The following TTN variants were observed in gnomAD, a reference collection of about 807,000 sequenced individuals.
TTN encodes the protein titin, also known as connectin.
Under a neutral mutation model 3,223.0 loss-of-function variants are expected in TTN, and 1,525 were observed. The observed-to-expected ratio is 0.47, with a 90% CI of 0.45 to 0.49. The LOEUF (loss-of-function observed/expected upper bound fraction) is 0.49. Among genes scored for constraint, TTN ranks in the 20% least tolerant of loss-of-function variants. TTN has a pLI of 0.00. For missense variants in TTN, 40,786 were observed against 43,424.0 expected (o/e 0.94, Z 5.40); for synonymous variants, 14,094 against 15,161.0 (o/e 0.93, Z 5.17).
At position 178,624,573 on chromosome 2, in the gene TTN, C is replaced by A; in HGVS notation, c.44707G>T (p.Asp14903Tyr). The A allele has an allele frequency of 6.2e-7, 1 of 1,612,764 alleles. No individual in the cohort carries two copies. The highest frequency in any genetic ancestry group is 1.1e-5 in the South Asian group (1 of 91,062). The stretch of plus-strand genomic sequence containing the variant: ...ATAACAAGTTTTCTGACCCTGCCAT[C>A]AGCAACAATTTCATACTTCTTGCTT... ...LKSKKYEIVA[D>Y]GRVRKLVIHD... is the part of the protein sequence containing the mutation. The change falls in exon 242 of 363, where the codon GAT (aspartate) becomes TAT (tyrosine). Residue 14903 changes from aspartate to tyrosine, a missense_variant. Coordinates refer to ENST00000589042, the MANE Select transcript of TTN (RefSeq NM_001267550.2).
intron 359 of TTN, chr2:178,529,445 A>G: frequency 2.6e-6 from 1 of 379,768 alleles, no homozygotes. Flanking sequence ...AAGATGATTC[A>G]TATGACTTAA....
Position 178,677,897 on chromosome 2 carries a change from C to T in TTN, c.34015G>A (p.Val11339Ile), listed in dbSNP as rs886055282. The stretch of plus-strand genomic sequence containing the variant: ...TGAGGTAGAGCTACAGGAACTGGAA[C>T]TGGTTCACGTTTCTTTGGCACTTTA... Reference protein sequence around the residue: ...PPKVPKKREPVPVPVALPQEE... With the variant: ...PPKVPKKREPIPVPVALPQEE... Residue 11339 changes from valine to isoleucine, a missense_variant, in exon 146 of 363, where the codon GTT (valine) becomes ATT (isoleucine). By Grantham distance (29) the Val-to-Ile change is conservative. Transcript: ENST00000589042. The T allele has an allele frequency of 6.2e-7, 1 of 1,602,594 alleles. No homozygotes were observed. Among genetic ancestry groups the T allele is most frequent in the Non-Finnish European group, 8.5e-7 (1 of 1,175,840 alleles).
Position 178,630,249 on chromosome 2 carries a change from C to G in TTN, c.44273G>C (p.Arg14758Pro). 1.2e-6 allele frequency: 2 copies of G among 1,612,988 alleles called. No individual in the cohort carries two copies. The highest frequency in any genetic ancestry group is 1.7e-6 in the Non-Finnish European group (2 of 1,179,364). The change falls in exon 239 of 363, where the codon CGA (arginine) becomes CCA (proline). Residue 14758 changes from arginine to proline, a missense_variant. Transcript: ENST00000589042. ...AANVKSSAHL[R>P]VKPRVIGLLR... is the part of the protein sequence containing the mutation. ...AAATATACAATACTTACGCTTAACT[C>G]GGAGGTGGGCACTAGATTTAACATT...
chr2:178,558,169 A>G lies in TTN; in HGVS notation c.87185T>C (p.Leu29062Pro), dbSNP rs2154156193. 1 of 1,613,824 alleles carries G rather than the reference A, an allele frequency of 6.2e-7. No homozygotes were observed. The highest frequency in any genetic ancestry group is 8.5e-7 in the Non-Finnish European group (1 of 1,179,834). ...HTVYVRAGSN[L>P]KVDIPISGKP... ...TCCAGAGATTGGAATGTCAACTTTA[A>G]GGTTTGAACCAGCTCTAACATATAC... Residue 29062 changes from leucine (L) to proline (P), a missense_variant, in exon 328 of 363, where the codon CTT (leucine) becomes CCT (proline). Leu to Pro is a moderately conservative substitution (Grantham distance 98, BLOSUM62 -3). Transcript: ENST00000589042.
chr2:178,630,747 T>C, intron 238 of TTN, 57 bp downstream of exon 238: 1 of 1,564,226 alleles, frequency 6.4e-7, no homozygotes, highest in Non-Finnish European at 8.6e-7. Context: ...CTTTCACCTG[T>C]TCTTTTCTAA....
Position 178,664,927 on chromosome 2 carries a change from C to A in TTN, c.36044-1G>T. 6.2e-7 allele frequency: 1 copy of A among 1,604,712 alleles called. No individual in the cohort carries two copies. Among genetic ancestry groups the A allele is most frequent in the Admixed American group, 1.7e-5 (1 of 58,726 alleles). The stretch of plus-strand genomic sequence containing the variant: ...ATAATTTCTTGAGGAGCTTCGGGCG[C>A]TTGAAAGATATTAGCAATTCACATT... On this transcript the variant is annotated splice_acceptor_variant, in intron 165 of 362. Coordinates refer to ENST00000589042, the MANE Select transcript of TTN (RefSeq NM_001267550.2). LOFTEE classifies it high-confidence loss of function.
chr2:178,718,535 C>T lies in TTN; in HGVS notation c.24571G>A (p.Glu8191Lys), dbSNP rs201326258. 1.7e-5 allele frequency: 27 copies of T among 1,613,554 alleles called. No individual in the cohort carries two copies. Among genetic ancestry groups the T allele is most frequent in the Middle Eastern group, 1.6e-4 (1 of 6,080 alleles). Residue 8191 changes from glutamate to lysine, a missense_variant, in exon 85 of 363, where the codon GAG becomes AAG. By Grantham distance (56) the Glu-to-Lys change is moderately conservative. Coordinates refer to ENST00000589042, the MANE Select transcript of TTN (RefSeq NM_001267550.2). ...SVETGSPIVL[E>K]ATYTGTPPIS... The stretch of plus-strand genomic sequence containing the variant: ...GGAGGTGTGCCAGTGTATGTGGCCT[C>T]GAGAACTATGGGGCTTCCTGTCTCA...
In TTN at chr2:178,729,436, T is replaced by C. The variant is rs201395913; in HGVS notation, c.18720A>G (p.Arg6240=). The C allele has an allele frequency of 2.9e-5, 47 of 1,613,534 alleles. No homozygotes were observed. In the African/African-American group the frequency reaches 3.2e-4, roughly 11 times the overall value. ...VTWLKNNREI[R]SSKKYTLTDR... is the part of the protein sequence containing the mutation. ...CGGTCAATGTGTATTTTTTGCTGCTTCGAATTTCCCTGTTATTCTTCAGCC... is the reference window on the plus strand; with the variant it reads ...CGGTCAATGTGTATTTTTTGCTGCTCCGAATTTCCCTGTTATTCTTCAGCC... The change falls in exon 64 of 363, where the codon CGA becomes CGG. Residue 6240 remains arginine, a synonymous_variant. Transcript: ENST00000589042.
At chr2:178,676,876 T>C (rs1379026370) in intron 147 of TTN, among the ~76,000 whole-genome samples, 1 of 151,642 alleles carries the variant, frequency 6.6e-6, no homozygotes, top group Non-Finnish European at 1.5e-5. Flanking sequence ...TTCATAATAG[T>C]TTTCAATACA....
chr2:178,789,575 A>G, intron 12 of TTN, 78 bp from the exon 13 acceptor site: 1 of 1,573,552 alleles, frequency 6.4e-7, no homozygotes, highest in Non-Finnish European at 8.7e-7. Flanking sequence ...CCCCTTCCTC[A>G]TGGGGATGCA....
chr2:178,744,159 G>C lies in TTN; in HGVS notation c.11312-2238C>G, dbSNP rs556773214. Among the ~76,000 whole-genome samples, 235 of 151,962 alleles carry C rather than the reference G, an allele frequency of 1.5e-3. 1 individual carries two copies. The highest frequency in any genetic ancestry group is 5.5e-3 in the African/African-American group (230 of 41,502). ...TAATTAAAATTAGCATTTTAAATATGATAATGGTACTTAAATATTGCTAAA... is the reference window on the plus strand; with the variant it reads ...TAATTAAAATTAGCATTTTAAATATCATAATGGTACTTAAATATTGCTAAA... On this transcript the variant is annotated intron_variant, in intron 47 of 362. Coordinates refer to ENST00000589042, the MANE Select transcript of TTN (RefSeq NM_001267550.2).
rs1379617395 is a variant in TTN, at chr2:178,764,173, C to T, written c.10114+4G>A. ...GCAATGACACCTTTTGTTCTTAAAC[C>T]TACCTGTTCCAGAAACCCGGCATTG... is the stretch of plus-strand genomic sequence containing the variant. On this transcript the variant is annotated splice_donor_region_variant and intron_variant, in intron 43 of 362. Transcript: ENST00000589042. The T allele has an allele frequency of 1.9e-6, 3 of 1,614,084 alleles. No homozygotes were observed. Among genetic ancestry groups the T allele is most frequent in the Non-Finnish European group, 2.5e-6 (3 of 1,179,968 alleles).
chr2:178,731,842 C>G lies in TTN; in HGVS notation c.17033G>C (p.Arg5678Pro). 6.2e-7 allele frequency: 1 copy of G among 1,613,768 alleles called. No homozygotes were observed. Among genetic ancestry groups the G allele is most frequent in the East Asian group, 2.2e-5 (1 of 44,868 alleles). ...GAAAGTCTTATACTTTCTACCACTT[C>G]GCAGGATTGTGTTATCTTTGAACCA... ...ITWFKDNTIL[R>P]SGRKYKTFIQ... Residue 5678 changes from arginine to proline, a missense_variant, in exon 58 of 363, where the codon CGA (arginine) becomes CCA (proline). Physicochemically the swap from Arg to Pro is moderately radical, Grantham distance 103 (BLOSUM62 -2). Coordinates refer to ENST00000589042, the MANE Select transcript of TTN (RefSeq NM_001267550.2).
At position 178,538,571 on chromosome 2, in the gene TTN, T is replaced by G; in HGVS notation, c.99258A>C (p.Arg33086Ser). 6.2e-7 allele frequency: 1 copy of G among 1,613,346 alleles called. No homozygotes were observed. Among genetic ancestry groups the G allele is most frequent in the Non-Finnish European group, 8.5e-7 (1 of 1,179,546 alleles). The change falls in exon 354 of 363, where the codon AGA (arginine) becomes AGC (serine). Residue 33086 changes from arginine (R) to serine (S), a missense_variant. Transcript: ENST00000589042. ...ENETGLSRPR[R>S]TAMSIKTKLT... Reference sequence around the variant, plus strand: ...GTTTAGTCTTTATAGACATAGCAGTTCTGCGAGGTCTGCTCAGCCCAGTCT... The same window carrying G: ...GTTTAGTCTTTATAGACATAGCAGTGCTGCGAGGTCTGCTCAGCCCAGTCT...
chr2:178,541,609 G>A (rs773573737), intron 349 of TTN, 25 bp from the exon 350 acceptor site: 16 of 1,570,408 alleles, frequency 1.0e-5, no homozygotes, highest in East Asian at 9.2e-5. Flanking sequence ...AGGTTAACAC[G>A]ATATGGCAAT....
intron 150 of TTN, among the ~76,000 whole-genome samples, chr2:178,674,638 T>A (rs1242362051): frequency 1.3e-5 from 2 of 151,436 alleles, no homozygotes; most frequent in Admixed American, 1.3e-4. Flanking sequence ...TTGTTTTTTT[T>A]TTAATGAAAG....
At position 178,591,977 on chromosome 2, in the gene TTN, C is replaced by T. The variant is rs553526525; in HGVS notation, c.59926+1G>A. On this transcript the variant is annotated splice_donor_variant, in intron 302 of 362. Coordinates refer to ENST00000589042, the MANE Select transcript of TTN (RefSeq NM_001267550.2). LOFTEE classifies it high-confidence loss of function. Reference sequence around the variant, plus strand: ...TTTTGTATTCAGAGAAAGCAACTTACGGAGAGGATCCAAAGCCTTGATTGG... The same window carrying T: ...TTTTGTATTCAGAGAAAGCAACTTATGGAGAGGATCCAAAGCCTTGATTGG... The T allele has an allele frequency of 3.1e-6, 5 of 1,611,280 alleles. No individual in the cohort carries two copies. Among genetic ancestry groups the T allele is most frequent in the South Asian group, 1.1e-5 (1 of 90,442 alleles).
At chr2:178,691,469 T>A (rs1477254398) in intron 121 of TTN, among the ~76,000 whole-genome samples, 1 of 152,158 alleles carries the variant, frequency 6.6e-6, no homozygotes, top group African/African-American at 2.4e-5. Flanking sequence ...TCAGTTAAGG[T>A]CTCAAGAAAA....
chr2:178,532,357 G>A lies in TTN; in HGVS notation c.104258C>T (p.Ala34753Val), dbSNP rs770515852. Reference protein sequence around the residue: ...YAELRERHAQAAYRQPKQRQR... With the variant: ...YAELRERHAQVAYRQPKQRQR... ...CCGTTGCTTTGGCTGTCTGTACGCA[G>A]CCTGGGCATGCCGTTCCCTCAGTTC... Residue 34753 changes from alanine (A) to valine (V), a missense_variant, in exon 358 of 363, where the codon GCT becomes GTT. Physicochemically the swap from Ala to Val is moderately conservative, Grantham distance 64. Coordinates refer to ENST00000589042, the MANE Select transcript of TTN (RefSeq NM_001267550.2). 3.1e-6 allele frequency: 5 copies of A among 1,613,996 alleles called. No individual in the cohort carries two copies. In the East Asian group the frequency reaches 8.9e-5, roughly 29 times the overall value.
Sources: gnomAD v4.1 joint callset for allele counts (sites outside exome capture counted in the v4.1 genomes callset) on GRCh38, gnomAD v4.1.1 for gene constraint, MANE v1.5 for transcripts, NCBI Gene and HGNC (gene_info 2026-07-23, HGNC 2026-07-21) for gene names.